TNNI3K: variants seen among roughly 807,000 people sequenced by gnomAD.
TNNI3K encodes the protein serine/threonine-protein kinase TNNI3K.
Under a neutral mutation model 114.5 loss-of-function variants are expected in TNNI3K, and 140 were observed. The observed-to-expected ratio is 1.22, with a 90% CI of 1.07 to 1.41. The LOEUF is 1.41. TNNI3K is among the 40% of genes most tolerant of loss of function. TNNI3K has a pLI of 0.00. For missense variants in TNNI3K, 1,125 were observed against 1,007.6 expected, an observed-to-expected ratio of 1.12 and a Z score of -1.58; for synonymous variants, 347 against 347.5, an observed-to-expected ratio of 1.00 and a Z score of 0.02.
chr1:74,461,340 G>T (rs915305663), intron 20 of TNNI3K, among the ~76,000 whole-genome samples: 2 of 151,892 alleles, frequency 1.3e-5, no homozygotes, highest in African/African-American at 2.4e-5. Flanking sequence ...ATTAGCTGGG[G>T]GTGGTGGCAT....
chr1:74,298,041 C>T (rs1658099562), intron 5 of TNNI3K, among the ~76,000 whole-genome samples: 1 of 152,074 alleles, frequency 6.6e-6, no homozygotes, highest in Non-Finnish European at 1.5e-5. Flanking sequence ...AATCTCATTC[C>T]ATTACCACAC....
In TNNI3K at chr1:74,375,925, T is replaced by G. The variant is rs540417780; in HGVS notation, c.1772+5533T>G. ...CTGAAGGGTCACAACGATATTCTCA[T>G]ACATACAGAGGTTTTTTTTATATGA... On this transcript the variant is annotated intron_variant, in intron 17 of 24. Coordinates refer to ENST00000326637, the MANE Select transcript of TNNI3K (RefSeq NM_015978.3). The G allele has an allele frequency of 1.0e-4, 21 of 201,384 alleles. No individual in the cohort carries two copies. In the South Asian group the frequency reaches 1.8e-3, roughly 17 times the overall value. The allele number at this position is 201,384 out of a possible 1,614,324, so 12.5% of individuals were successfully genotyped here. A position where few individuals can be genotyped will look rare whatever the true frequency, so the allele number is the denominator to read the frequency against.
chr1:74,542,049 T>C (rs1300573221), intron 24 of TNNI3K, among the ~76,000 whole-genome samples: 1 of 152,232 alleles, frequency 6.6e-6, no homozygotes. Context: ...AGTCTTTTCC[T>C]AAAACCTATG....
intron 4 of TNNI3K, among the ~76,000 whole-genome samples, chr1:74,262,690 G>T (rs1239014566): frequency 6.6e-6 from 1 of 152,042 alleles, no homozygotes; most frequent in African/African-American, 2.4e-5. Flanking sequence ...CAATCATTAA[G>T]ATAGCTTGTT....
intron 22 of TNNI3K, among the ~76,000 whole-genome samples, chr1:74,491,209 C>A (rs988877126): frequency 2.0e-5 from 3 of 151,992 alleles, no homozygotes; most frequent in African/African-American, 7.3e-5. Context: ...AGGGTGAGTC[C>A]AACAGGTTTT....
intron 17 of TNNI3K, among the ~76,000 whole-genome samples, chr1:74,402,459 G>A (rs1323549042): frequency 2.0e-5 from 3 of 152,138 alleles, no homozygotes; most frequent in South Asian, 2.1e-4. Flanking sequence ...GGAATTACAC[G>A]GAAGTCTTGA....
intron 20 of TNNI3K, among the ~76,000 whole-genome samples, chr1:74,452,004 A>T (rs1424380922): frequency 6.6e-6 from 1 of 151,974 alleles, no homozygotes. Flanking sequence ...ATAATATTTT[A>T]AAAACATAAA....
intron 5 of TNNI3K, among the ~76,000 whole-genome samples, chr1:74,292,368 T>C (rs1233970066): frequency 6.6e-6 from 1 of 151,592 alleles, no homozygotes; most frequent in Non-Finnish European, 1.5e-5. Context: ...GGCTACACAT[T>C]TGTAAGTTCT....
chr1:74,270,817 T>G (rs1316283354), intron 4 of TNNI3K, among the ~76,000 whole-genome samples: 1 of 151,690 alleles, frequency 6.6e-6, no homozygotes, highest in Non-Finnish European at 1.5e-5. Context: ...TAACAAAGAT[T>G]AAATACAAAA....
At chr1:74,494,779 A>G (rs1669245737) in intron 23 of TNNI3K, among the ~76,000 whole-genome samples, 1 of 152,228 alleles carries the variant, frequency 6.6e-6, no homozygotes, top group Admixed American at 6.5e-5. Flanking sequence ...ACTGATAATA[A>G]TACCAGATCT....
chr1:74,363,403 A>G (rs574594601), intron 11 of TNNI3K, among the ~76,000 whole-genome samples: 1 of 152,186 alleles, frequency 6.6e-6, no homozygotes, highest in African/African-American at 2.4e-5. Context: ...CATGCTTATC[A>G]TCAGCCAGAA....
chr1:74,258,815 A>G (rs1655489941), intron 4 of TNNI3K, among the ~76,000 whole-genome samples: 1 of 152,222 alleles, frequency 6.6e-6, no homozygotes, highest in Non-Finnish European at 1.5e-5. Context: ...GTGCATGAGG[A>G]TCATATAGTA....
At chr1:74,236,608 CG>C (rs547203979) in intron 2 of TNNI3K, among the ~76,000 whole-genome samples, 23 of 151,820 alleles carry the variant, frequency 1.5e-4, no homozygotes, top group Admixed American at 1.4e-3. Context: ...TGAACTATGA[CG>C]GTAAGTCCAA....
intron 5 of TNNI3K, among the ~76,000 whole-genome samples, chr1:74,319,123 G>A (rs1278073026): frequency 6.6e-6 from 1 of 152,180 alleles, no homozygotes; most frequent in Non-Finnish European, 1.5e-5. Flanking sequence ...CAGTAAAAGT[G>A]TCGGGTGAGG....
intron 5 of TNNI3K, among the ~76,000 whole-genome samples, chr1:74,330,496 C>T (rs1660138359): frequency 6.6e-6 from 1 of 152,046 alleles, no homozygotes; most frequent in Non-Finnish European, 1.5e-5. Context: ...TTTTCTTTGT[C>T]TTATTACTGC....
intron 17 of TNNI3K, chr1:74,374,793 C>T (rs750693870): frequency 6.6e-6 from 1 of 151,924 alleles, no homozygotes; most frequent in Non-Finnish European, 1.5e-5. Context: ...TAGACCTCAC[C>T]ACCTACCAAC....
At chr1:74,473,796 T>G (rs1016294129) in intron 21 of TNNI3K, among the ~76,000 whole-genome samples, 2 of 152,148 alleles carry the variant, frequency 1.3e-5, no homozygotes, top group South Asian at 4.1e-4. Flanking sequence ...CAAATTATGT[T>G]GGGGAAAGAA....
chr1:74,505,682 C>T (rs923774993), intron 23 of TNNI3K, among the ~76,000 whole-genome samples: 3 of 152,106 alleles, frequency 2.0e-5, no homozygotes, highest in Non-Finnish European at 2.9e-5. Flanking sequence ...TAAAAAAACA[C>T]ATTAAACCAG....
chr1:74,349,938 AT>A (rs1426483200), intron 9 of TNNI3K, among the ~76,000 whole-genome samples: 1 of 151,960 alleles, frequency 6.6e-6, no homozygotes, highest in East Asian at 1.9e-4. Flanking sequence ...GGATTCATTG[AT>A]TTTTTGAAGG....
Sources: allele counts gnomAD v4.1 joint callset (sites outside exome capture counted in the v4.1 genomes callset), GRCh38; gene constraint gnomAD v4.1.1; transcripts MANE v1.5; gene names NCBI Gene and HGNC (gene_info 2026-07-23, HGNC 2026-07-21).